NEIL3: variants seen among roughly 807,000 people sequenced by gnomAD.
NEIL3 encodes nei like DNA glycosylase 3.
NEIL3 carries 48 observed loss-of-function variants against 57.5 expected under a neutral mutation model. The observed-to-expected ratio is 0.83, with a 90% CI of 0.66 to 1.06. The LOEUF (loss-of-function observed/expected upper bound fraction) is 1.06, where lower values mean the gene tolerates loss of function less well. Ranked by LOEUF, NEIL3 falls within the 50% of genes least tolerant of loss-of-function variation. The probability of loss-of-function intolerance (pLI) is 0.00; values close to 1 mark genes in which losing one functional copy is unlikely to be tolerated. For synonymous variants in NEIL3, 261 were observed against 253.2 expected (o/e 1.03, Z -0.29); for missense variants, 717 against 739.1 (o/e 0.97, Z 0.35).
intron 6 of NEIL3, among the ~76,000 whole-genome samples, chr4:177,344,537 G>T (rs1181538115): frequency 6.6e-6 from 1 of 151,928 alleles, no homozygotes; most frequent in East Asian, 1.9e-4. Flanking sequence ...TAATACTGAT[G>T]CTATTTATTG....
chr4:177,335,552 G>C lies in NEIL3; in HGVS notation c.279-136G>C, dbSNP rs376787591. 35 of 614,400 alleles carry C rather than the reference G, an allele frequency of 5.7e-5. No homozygotes were observed. In the African/African-American group the frequency reaches 5.9e-4, roughly 10 times the overall value. 38.1% of individuals were successfully genotyped at this position (614,400 alleles called of 1,614,324 possible). A position where few individuals can be genotyped will look rare whatever the true frequency, so the allele number is the denominator to read the frequency against. ...AAAATATATAATAATCTTACCACTG[G>C]TTTCTGCCCTTTAAAAGTGTCTATC... On this transcript the variant is annotated intron_variant, in intron 2 of 9. Transcript: ENST00000264596.
intron 1 of NEIL3, among the ~76,000 whole-genome samples, chr4:177,314,933 T>TGGGCGTGA (rs71244923): frequency 6.6e-6 from 1 of 150,996 alleles, no homozygotes; most frequent in African/African-American, 2.4e-5. Flanking sequence ...AAAAATTAGC[T>TGGGCGTGA]TGGTGGACGC....
chr4:177,311,615 A>G (rs1734476027), intron 1 of NEIL3, among the ~76,000 whole-genome samples: 1 of 148,822 alleles, frequency 6.7e-6, no homozygotes, highest in East Asian at 2.0e-4. Flanking sequence ...TGGAGGTTGC[A>G]GTGAGCTGAG....
At chr4:177,320,196 C>T (rs1013461223) in intron 1 of NEIL3, among the ~76,000 whole-genome samples, 4 of 152,100 alleles carry the variant, frequency 2.6e-5, no homozygotes, top group Non-Finnish European at 4.4e-5. Context: ...GACTTAAAGT[C>T]TCCTGTTAAG....
chr4:177,347,253 T>C (rs1560918398), intron 6 of NEIL3, among the ~76,000 whole-genome samples: 1 of 151,856 alleles, frequency 6.6e-6, no homozygotes, highest in Non-Finnish European at 1.5e-5. Context: ...GCATAAAGCC[T>C]CTGAGTTGTT....
At chr4:177,358,534 C>T (rs541298235) in intron 8 of NEIL3, among the ~76,000 whole-genome samples, 2 of 152,180 alleles carry the variant, frequency 1.3e-5, no homozygotes, top group South Asian at 2.1e-4. Flanking sequence ...CTTGAACTCT[C>T]GACCTCAGGT....
chr4:177,369,542 A>C, the NEIL3 span, among the ~76,000 whole-genome samples: 2 of 152,214 alleles, frequency 1.3e-5, no homozygotes, highest in African/African-American at 4.8e-5. Flanking sequence ...GCCAATGCAC[A>C]CTGAGATACA....
At chr4:177,347,109 C>T (rs1452161177) in intron 6 of NEIL3, among the ~76,000 whole-genome samples, 1 of 151,968 alleles carries the variant, frequency 6.6e-6, no homozygotes, top group Non-Finnish European at 1.5e-5. Flanking sequence ...GCCACAGTAG[C>T]GGATAGTGAC....
intron 1 of NEIL3, among the ~76,000 whole-genome samples, chr4:177,314,323 A>T (rs1175193606): frequency 6.6e-6 from 1 of 152,330 alleles, no homozygotes; most frequent in Middle Eastern, 3.4e-3. Flanking sequence ...TTTTTATCCA[A>T]GATGAACATA....
At chr4:177,339,444 G>A (rs1194297181) in intron 4 of NEIL3, among the ~76,000 whole-genome samples, 1 of 152,066 alleles carries the variant, frequency 6.6e-6, no homozygotes, top group African/African-American at 2.4e-5. Flanking sequence ...GCAATAGAGT[G>A]AGACCCTGTC....
chr4:177,341,207 A>T (rs1735084020), intron 5 of NEIL3, among the ~76,000 whole-genome samples: 1 of 152,204 alleles, frequency 6.6e-6, no homozygotes, highest in South Asian at 2.1e-4. Flanking sequence ...TGTCATTTAG[A>T]TAAGAGGATA....
Position 177,353,852 on chromosome 4 carries a change from G to T in NEIL3, c.1460+124G>T, listed in dbSNP as rs1560921337. On this transcript the variant is annotated intron_variant, in intron 8 of 9. Coordinates refer to ENST00000264596, the MANE Select transcript of NEIL3 (RefSeq NM_018248.3). Reference sequence around the variant, plus strand: ...GTGATCTCAGCTCACTGCAACCTCTGCCTCCCGCGTTCAAGCGATTCTCCT... The same window carrying T: ...GTGATCTCAGCTCACTGCAACCTCTTCCTCCCGCGTTCAAGCGATTCTCCT... The T allele has an allele frequency of 7.4e-6, 6 of 805,792 alleles. No individual in the cohort carries two copies. In the Admixed American group the frequency reaches 1.2e-4, roughly 15 times the overall value. 49.9% of individuals were successfully genotyped at this position (805,792 alleles called of 1,614,324 possible). A position where few individuals can be genotyped will look rare whatever the true frequency, so the allele number is the denominator to read the frequency against.
intron 3 of NEIL3, 56 bp from the exon 4 acceptor site, chr4:177,336,052 C>G: frequency 7.0e-7 from 1 of 1,428,736 alleles, no homozygotes; most frequent in Non-Finnish European, 9.8e-7. Flanking sequence ...TTAAAAGACA[C>G]TTTGTGAAAT....
At chr4:177,311,553 A>C (rs914449432) in intron 1 of NEIL3, among the ~76,000 whole-genome samples, 9 of 151,938 alleles carry the variant, frequency 5.9e-5, no homozygotes, top group Admixed American at 5.2e-4. Context: ...GCATGCCTGT[A>C]ATCCCAGCTA....
Position 177,360,635 on chromosome 4 carries a change from T to C in NEIL3, c.1593T>C (p.Tyr531=), listed in dbSNP as rs769249710. ...KDGENKGRQF[Y]ACPLPREAQC... Reference sequence around the variant, plus strand: ...GGGAAAACAAGGGCAGGCAGTTTTATGCCTGTCCTCTACCTAGAGAAGCAC... The same window carrying C: ...GGGAAAACAAGGGCAGGCAGTTTTACGCCTGTCCTCTACCTAGAGAAGCAC... The change falls in exon 9 of 10, where the codon TAT becomes TAC. Residue 531 remains tyrosine, a synonymous_variant. Transcript: ENST00000264596. 4.3e-6 allele frequency: 7 copies of C among 1,613,854 alleles called. No individual in the cohort carries two copies. The African/African-American group carries it at 6.7e-5, about 15-fold the overall frequency.
the NEIL3 span, among the ~76,000 whole-genome samples, chr4:177,371,228 C>T: frequency 6.6e-6 from 1 of 152,220 alleles, no homozygotes; most frequent in Non-Finnish European, 1.5e-5. Flanking sequence ...CTAGCATGAG[C>T]ATCTTGGTTT....
At chr4:177,351,352 A>G (rs1311605708) in intron 6 of NEIL3, 28 bp from the exon 7 acceptor site, 2 of 1,520,694 alleles carry the variant, frequency 1.3e-6, no homozygotes, top group Admixed American at 3.5e-5. Flanking sequence ...AATAATAACA[A>G]TGATTAATTT....
chr4:177,336,036 C>T, intron 3 of NEIL3, 72 bp from the exon 4 acceptor site: 1 of 1,315,186 alleles, frequency 7.6e-7, no homozygotes, highest in Non-Finnish European at 1.1e-6. Context: ...TATAGCAAAG[C>T]TCATTTTAAA....
downstream of NEIL3, among the ~76,000 whole-genome samples, chr4:177,363,196 G>A (rs1172176385): frequency 6.6e-6 from 1 of 152,014 alleles, no homozygotes; most frequent in Non-Finnish European, 1.5e-5. Context: ...GTTCCTCCTC[G>A]ATAAAAAGTC....
Sources: gnomAD v4.1 joint callset for allele counts (sites outside exome capture counted in the v4.1 genomes callset) on GRCh38, gnomAD v4.1.1 for gene constraint, MANE v1.5 for transcripts, NCBI Gene and HGNC (gene_info 2026-07-23, HGNC 2026-07-21) for gene names.